Variants in AKAP9 observed in about 807,000 individuals in gnomAD.
AKAP9 encodes the protein A-kinase anchoring protein 9.
A neutral mutation model predicts 488.5 loss-of-function variants in AKAP9; 311 were observed. That is an observed-to-expected ratio of 0.64 (90% CI 0.58 to 0.70). The LOEUF is 0.70. Among genes scored for constraint, AKAP9 ranks in the 30% least tolerant of loss-of-function variants. The probability of loss-of-function intolerance (pLI) is 0.00; values close to 1 mark genes in which losing one functional copy is unlikely to be tolerated. For missense variants in AKAP9, 4,215 were observed against 4,374.5 expected (o/e 0.96, Z 1.03); for synonymous variants, 1,462 against 1,483.5 (o/e 0.99, Z 0.33).
At chr7:92,074,751 C>A (rs773875455) in intron 28 of AKAP9, among the ~76,000 whole-genome samples, 2 of 152,170 alleles carry the variant, frequency 1.3e-5, no homozygotes, top group African/African-American at 4.8e-5. Context: ...TCTCAGCAAA[C>A]TATCACAAGG....
At chr7:92,026,433 C>G (rs891378613) in intron 14 of AKAP9, among the ~76,000 whole-genome samples, 3 of 152,160 alleles carry the variant, frequency 2.0e-5, no homozygotes, top group Non-Finnish European at 2.9e-5. Context: ...GCCTCGGGCT[C>G]CCGTGATTCT....
chr7:91,981,262 C>T (rs1796373163), intron 3 of AKAP9, among the ~76,000 whole-genome samples: 1 of 152,072 alleles, frequency 6.6e-6, no homozygotes, highest in East Asian at 1.9e-4. Flanking sequence ...ATACAGTTGG[C>T]CCTCCATATC....
chr7:91,947,354 T>C (rs553687014), intron 1 of AKAP9, among the ~76,000 whole-genome samples: 41 of 151,474 alleles, frequency 2.7e-4, no homozygotes, highest in East Asian at 1.9e-3. Context: ...CATTTTTTTT[T>C]CCCCCCGAGA....
intron 2 of AKAP9, among the ~76,000 whole-genome samples, chr7:91,979,198 A>G (rs1358514772): frequency 6.6e-6 from 1 of 151,948 alleles, no homozygotes; most frequent in Non-Finnish European, 1.5e-5. Flanking sequence ...GACATACCGG[A>G]GACTAGGTCA....
At chr7:91,941,592 C>T (rs894579955) in intron 1 of AKAP9, among the ~76,000 whole-genome samples, 28 of 152,138 alleles carry the variant, frequency 1.8e-4, no homozygotes, top group African/African-American at 5.1e-4. Context: ...TTAGGTAGCA[C>T]GCTGGCACTC....
At chr7:92,015,162 AGTT>A (rs1294848467) in intron 10 of AKAP9, among the ~76,000 whole-genome samples, 1 of 152,180 alleles carries the variant, frequency 6.6e-6, no homozygotes, top group Non-Finnish European at 1.5e-5. Flanking sequence ...TAAGTCTAGA[AGTT>A]GGTGGTGGTA....
At chr7:92,032,088 C>A (rs1804351905) in intron 16 of AKAP9, among the ~76,000 whole-genome samples, 1 of 152,178 alleles carries the variant, frequency 6.6e-6, no homozygotes, top group African/African-American at 2.4e-5. Flanking sequence ...GTATGCTTAT[C>A]CACTGTGTCC....
chr7:92,068,392 A>G (rs1219384848), intron 26 of AKAP9, among the ~76,000 whole-genome samples: 1 of 151,722 alleles, frequency 6.6e-6, no homozygotes, highest in South Asian at 2.1e-4. Context: ...AAAAAAGAAA[A>G]AAGTTATCCA....
At chr7:91,986,066 G>C (rs1247068285) in intron 3 of AKAP9, among the ~76,000 whole-genome samples, 4 of 152,106 alleles carry the variant, frequency 2.6e-5, no homozygotes, top group Non-Finnish European at 4.4e-5. Flanking sequence ...TTGGTTGGTG[G>C]TCTATTAATT....
intron 21 of AKAP9, among the ~76,000 whole-genome samples, chr7:92,049,543 G>A (rs551129533): frequency 9.2e-5 from 14 of 152,196 alleles, no homozygotes; most frequent in South Asian, 4.1e-4. Context: ...CCCCGGAGGC[G>A]GAGCTTTCAG....
At chr7:92,038,333 A>T in intron 16 of AKAP9, 86 bp from the exon 17 acceptor site, 1 of 1,064,602 alleles carries the variant, frequency 9.4e-7, no homozygotes, top group Non-Finnish European at 1.4e-6. Context: ...TTTTCTGTTT[A>T]TACAATTTTG....
rs2282967 is a variant in AKAP9 at position 91,942,359 on chromosome 7, A to G, written c.48+1212A>G. Reference sequence around the variant, plus strand: ...TTTCTAAAATATAGTTGACTTTCCTATAAGCTCCCTCTATTTAAGATCAAG... The same window carrying G: ...TTTCTAAAATATAGTTGACTTTCCTGTAAGCTCCCTCTATTTAAGATCAAG... On this transcript the variant is annotated intron_variant, in intron 1 of 49. Coordinates refer to ENST00000356239, the MANE Select transcript of AKAP9 (RefSeq NM_005751.5). Among the ~76,000 whole-genome samples the G allele has an allele frequency of 7.1e-3, 1,085 of 152,350 alleles. 42 individuals carry two copies. The East Asian group carries it at 0.13, about 18-fold the overall frequency.
intron 8 of AKAP9, among the ~76,000 whole-genome samples, chr7:92,006,174 A>T (rs1799837820): frequency 6.6e-6 from 1 of 150,808 alleles, no homozygotes; most frequent in Middle Eastern, 3.4e-3. Context: ...TTTTTTTGAG[A>T]CAGGCTCTCA....
chr7:92,084,134 T>A (rs1177329382), intron 33 of AKAP9, among the ~76,000 whole-genome samples: 3 of 152,254 alleles, frequency 2.0e-5, no homozygotes, highest in Non-Finnish European at 4.4e-5. Flanking sequence ...GCTTCATCTA[T>A]GTCCCTGCAA....
chr7:91,974,828 A>C (rs1462967090), intron 2 of AKAP9, among the ~76,000 whole-genome samples: 4 of 151,566 alleles, frequency 2.6e-5, no homozygotes, highest in Admixed American at 2.0e-4. Flanking sequence ...TATACTCTCA[A>C]GCATTTTATT....
intron 8 of AKAP9, among the ~76,000 whole-genome samples, chr7:92,003,649 C>A (rs1190429504): frequency 2.6e-5 from 4 of 151,844 alleles, no homozygotes; most frequent in Non-Finnish European, 5.9e-5. Flanking sequence ...AAAATGAACT[C>A]CTAAGCTTTT....
intron 28 of AKAP9, among the ~76,000 whole-genome samples, chr7:92,075,100 AT>A (rs1179249427): frequency 2.7e-5 from 4 of 149,060 alleles, no homozygotes; most frequent in East Asian, 1.9e-4. Flanking sequence ...TAAAAAAAAA[AT>A]AAAACACAAG....
chr7:92,081,035 T>G (rs1584469101), intron 31 of AKAP9, among the ~76,000 whole-genome samples: 1 of 152,178 alleles, frequency 6.6e-6, no homozygotes, highest in Non-Finnish European at 1.5e-5. Context: ...TTTATGGTCT[T>G]TAAATATGAT....
intron 7 of AKAP9, among the ~76,000 whole-genome samples, chr7:92,000,399 C>T (rs762188529): frequency 1.3e-5 from 2 of 152,176 alleles, no homozygotes; most frequent in Non-Finnish European, 2.9e-5. Flanking sequence ...GCCCATGACA[C>T]ACATTGAAGT....
Sources: gnomAD v4.1 joint callset for allele counts (sites outside exome capture counted in the v4.1 genomes callset) on GRCh38, gnomAD v4.1.1 for gene constraint, MANE v1.5 for transcripts, NCBI Gene and HGNC (gene_info 2026-07-23, HGNC 2026-07-21) for gene names.